BCO1: variants seen among roughly 807,000 people sequenced by gnomAD.
BCO1 encodes beta,beta-carotene 15,15'-dioxygenase.
BCO1 carries 54 observed loss-of-function variants against 56.3 expected under a neutral mutation model. The ratio of observed to expected loss-of-function variants is 0.96; its 90% CI spans 0.77 to 1.20. The LOEUF (loss-of-function observed/expected upper bound fraction) is 1.20. Ranked by LOEUF, BCO1 falls within the 50% of genes most tolerant of loss-of-function variation. BCO1 has a pLI of 0.00. For synonymous variants in BCO1, 318 were observed against 266.1 expected (o/e 1.20, Z -1.90); for missense variants, 801 against 690.9 (o/e 1.16, Z -1.79).
rs1907113251 is a variant in BCO1 at position 81,270,333 on chromosome 16, C to G, written c.1018C>G (p.Leu340Val). The G allele has an allele frequency of 6.2e-7, 1 of 1,614,144 alleles. No homozygotes were observed. The highest frequency in any genetic ancestry group is 1.3e-5 in the African/African-American group (1 of 75,038). ...CTACCAGCTCTTCTACCTGGCCAAC[C>G]TGAACCAGGACTTCAAGGAGAACTC... ...SLYQLFYLANLNQDFKENSRL... is the reference protein window; with the variant it reads ...SLYQLFYLANVNQDFKENSRL... The change falls in exon 7 of 11, where the codon CTG becomes GTG. Residue 340 changes from leucine to valine, a missense_variant. Transcript: ENST00000258168.
intron 2 of BCO1, among the ~76,000 whole-genome samples, chr16:81,254,421 G>A (rs1906003324): frequency 6.6e-6 from 1 of 150,486 alleles, no homozygotes; most frequent in Admixed American, 6.7e-5. Flanking sequence ...AAAGTGCTGG[G>A]ATTACAGGCA....
intron 2 of BCO1, among the ~76,000 whole-genome samples, chr16:81,250,278 T>C (rs1905709204): frequency 6.6e-6 from 1 of 152,148 alleles, no homozygotes; most frequent in Admixed American, 6.5e-5. Flanking sequence ...CTAACCATTG[T>C]GCAATTCAGC....
chr16:81,240,756 G>A (rs1905072161), intron 1 of BCO1, among the ~76,000 whole-genome samples: 1 of 151,684 alleles, frequency 6.6e-6, no homozygotes, highest in African/African-American at 2.4e-5. Context: ...AACCTGGTAT[G>A]GTGAAACACT....
intron 8 of BCO1, among the ~76,000 whole-genome samples, chr16:81,284,478 C>T (rs569522822): frequency 2.9e-4 from 44 of 152,128 alleles, no homozygotes; most frequent in African/African-American, 8.0e-4. Context: ...AGCGGAGATA[C>T]AATAATTCTA....
chr16:81,254,490 C>G (rs899554073), intron 2 of BCO1, among the ~76,000 whole-genome samples: 1 of 150,882 alleles, frequency 6.6e-6, no homozygotes, highest in Non-Finnish European at 1.5e-5. Context: ...CTACATTGCC[C>G]AGGCTGATCT....
chr16:81,238,992 C>T lies in BCO1; in HGVS notation c.64+20C>T, dbSNP rs1042839556. On this transcript the variant is annotated intron_variant, in intron 1 of 10. Transcript: ENST00000258168. ...TGACAGGTGAGCATTCTGATAAACA[C>T]TGGGCTCTTTCTTCTATTTATTTTA... The T allele has an allele frequency of 1.2e-6, 2 of 1,605,782 alleles. No homozygotes were observed. The highest frequency in any genetic ancestry group is 1.3e-5 in the African/African-American group (1 of 74,716).
intron 7 of BCO1, among the ~76,000 whole-genome samples, chr16:81,271,484 A>G (rs1054898617): frequency 2.6e-5 from 4 of 152,082 alleles, no homozygotes; most frequent in African/African-American, 9.7e-5. Context: ...CCACCACGAT[A>G]AATTTTAGAA....
chr16:81,262,293 C>G lies in BCO1; in HGVS notation c.471+10C>G, dbSNP rs1010868122. The G allele has an allele frequency of 6.2e-7, 1 of 1,610,570 alleles. No homozygotes were observed. The highest frequency in any genetic ancestry group is 1.3e-5 in the African/African-American group (1 of 74,830). On this transcript the variant is annotated intron_variant, in intron 4 of 10. Coordinates refer to ENST00000258168, the MANE Select transcript of BCO1 (RefSeq NM_017429.3). ...GGAAACCCTGGAGAAGGTATCAACA[C>G]ATATGTAACCAGCATCACTTCCTGA...
intron 2 of BCO1, among the ~76,000 whole-genome samples, chr16:81,246,864 AAAAAG>A (rs1222524479): frequency 1.9e-4 from 28 of 151,328 alleles, no homozygotes; most frequent in Non-Finnish European, 3.4e-4. Context: ...AAAAAAAAAA[AAAAAG>A]AAGAGTACAG....
chr16:81,258,602 G>C (rs58808754), intron 2 of BCO1, among the ~76,000 whole-genome samples: 5,537 of 152,298 alleles, frequency 0.036, 318 homozygotes, highest in African/African-American at 0.13. Flanking sequence ...ACACAAACAG[G>C]GTGGAAGGGA....
chr16:81,280,406 C>G (rs539446771), intron 7 of BCO1, among the ~76,000 whole-genome samples: 14 of 150,864 alleles, frequency 9.3e-5, no homozygotes, highest in African/African-American at 2.7e-4. Context: ...TGGTTGAGCT[C>G]AGACTGCATA....
chr16:81,264,131 C>A, intron 4 of BCO1: 1 of 183,384 alleles, frequency 5.5e-6, no homozygotes, highest in South Asian at 1.2e-4. Context: ...GTAACCTCTC[C>A]ATTCCCAGAA....
chr16:81,279,106 GT>G (rs1001365860), intron 7 of BCO1, among the ~76,000 whole-genome samples: 8 of 151,636 alleles, frequency 5.3e-5, no homozygotes, highest in African/African-American at 2.0e-4. Context: ...GTGAGACCCT[GT>G]CTCTACAAAA....
rs138097990 is a variant in BCO1 at position 81,287,698 on chromosome 16, G to A, written c.1414+292G>A. Among the ~76,000 whole-genome samples the A allele has an allele frequency of 8.5e-5, 13 of 152,212 alleles. No individual in the cohort carries two copies. In the East Asian group the frequency reaches 2.3e-3, roughly 27 times the overall value. The stretch of plus-strand genomic sequence containing the variant: ...CTTATGTTCACAGTTCTGGTTTGTG[G>A]CAATGAAAAGATACAGACTAAAATT... On this transcript the variant is annotated intron_variant, in intron 10 of 10. Coordinates refer to ENST00000258168, the MANE Select transcript of BCO1 (RefSeq NM_017429.3).
Position 81,268,101 on chromosome 16 carries a change from C to T in BCO1, c.813C>T (p.Ala271=), listed in dbSNP as rs766637145. 6.2e-7 allele frequency: 1 copy of T among 1,610,916 alleles called. No individual in the cohort carries two copies. The highest frequency in any genetic ancestry group is 2.2e-5 in the East Asian group (1 of 44,868). Reference sequence around the variant, plus strand: ...CATACATCCGGAGAATGAGCTGGGCCTCCTGCCTGGCTTTCCACAGGGAGG... The same window carrying T: ...CATACATCCGGAGAATGAGCTGGGCTTCCTGCCTGGCTTTCCACAGGGAGG... ...ATAYIRRMSW[A]SCLAFHREEK... The change falls in exon 6 of 11, where the codon GCC becomes GCT. Residue 271 remains alanine, a synonymous_variant. Transcript: ENST00000258168.
Position 81,262,290 on chromosome 16 carries a change from A to C in BCO1, c.471+7A>C. The C allele has an allele frequency of 6.2e-7, 1 of 1,611,506 alleles. No individual in the cohort carries two copies. Among genetic ancestry groups the C allele is most frequent in the Non-Finnish European group, 8.5e-7 (1 of 1,177,704 alleles). On this transcript the variant is annotated splice_region_variant and intron_variant, in intron 4 of 10. Coordinates refer to ENST00000258168, the MANE Select transcript of BCO1 (RefSeq NM_017429.3). The stretch of plus-strand genomic sequence containing the variant: ...TCTGGAAACCCTGGAGAAGGTATCA[A>C]CACATATGTAACCAGCATCACTTCC...
At chr16:81,256,544 A>G (rs1168437293) in intron 2 of BCO1, among the ~76,000 whole-genome samples, 1 of 152,176 alleles carries the variant, frequency 6.6e-6, no homozygotes, top group Non-Finnish European at 1.5e-5. Context: ...AAATAAAATA[A>G]AACACTGCCT....
At chr16:81,254,518 C>G (rs888892975) in intron 2 of BCO1, among the ~76,000 whole-genome samples, 1 of 151,036 alleles carries the variant, frequency 6.6e-6, no homozygotes, top group Non-Finnish European at 1.5e-5. Flanking sequence ...CTAGCCTCAC[C>G]TTTTTATGTG....
intron 5 of BCO1, among the ~76,000 whole-genome samples, chr16:81,265,705 TACCTACCC>T (rs1474345001): frequency 1.5e-5 from 2 of 137,192 alleles, no homozygotes; most frequent in African/African-American, 5.5e-5. Flanking sequence ...ACCATCCATC[TACCTACCC>T]ATCCACCCAC....
Sources: gnomAD v4.1 joint callset for allele counts (sites outside exome capture counted in the v4.1 genomes callset) on GRCh38, gnomAD v4.1.1 for gene constraint, MANE v1.5 for transcripts, NCBI Gene and HGNC (gene_info 2026-07-23, HGNC 2026-07-21) for gene names.